Variants in ELK4 observed in about 807,000 individuals in gnomAD.
The protein encoded by ELK4 is ETS transcription factor ELK4.
In ELK4, 16 loss-of-function variants were observed where a neutral mutation model predicts 29.6. That is an observed-to-expected ratio of 0.54 (90% CI 0.37 to 0.82). The LOEUF is 0.82. Ranked by LOEUF, ELK4 falls within the 40% of genes least tolerant of loss-of-function variation. The probability of loss-of-function intolerance (pLI) is 0.00; values close to 1 mark genes in which losing one functional copy is unlikely to be tolerated. For missense variants in ELK4, 465 were observed against 507.1 expected (o/e 0.92, Z 0.80); for synonymous variants, 213 against 191.1 (o/e 1.11, Z -0.95).
chr1:205,612,920 T>C lies in ELK4; in HGVS notation c.*3626A>G, dbSNP rs1365791858. 1 of 205,466 alleles carries C rather than the reference T, an allele frequency of 4.9e-6. No individual in the cohort carries two copies. The highest frequency in any genetic ancestry group is 2.3e-5 in the African/African-American group (1 of 43,708). 12.7% of individuals were successfully genotyped at this position (205,466 alleles called of 1,614,324 possible). ...CTAATAGAGGCTCATAGGTTTACTG[T>C]CCCTATCAAAATTTCAACTGTCAAA... On this transcript the variant is annotated 3_prime_UTR_variant, in exon 5 of 5. Transcript: ENST00000357992.
At position 205,613,795 on chromosome 1, in the gene ELK4, C is replaced by T. The variant is rs1043728356; in HGVS notation, c.*2751G>A. ...CTCAAAACCCCATTCAATCTGCTCC[C>T]CTTCCGTAACTTAGGCTACTGCTGC... is the stretch of plus-strand genomic sequence containing the variant. On this transcript the variant is annotated 3_prime_UTR_variant, in exon 5 of 5. Transcript: ENST00000357992. 4.4e-5 allele frequency: 9 copies of T among 204,996 alleles called. No individual in the cohort carries two copies. The highest frequency in any genetic ancestry group is 8.0e-5 in the Non-Finnish European group (8 of 100,272). The allele number at this position is 204,996 out of a possible 1,614,324, so 12.7% of individuals were successfully genotyped here. A position where few individuals can be genotyped will look rare whatever the true frequency, so the allele number is the denominator to read the frequency against.
chr1:205,629,957 G>T (rs2102387895), intron 1 of ELK4, among the ~76,000 whole-genome samples: 1 of 151,306 alleles, frequency 6.6e-6, no homozygotes. Flanking sequence ...TGGGAGAATG[G>T]CCGGGAGATG....
intron 1 of ELK4, chr1:205,625,455 A>G (rs941526852): frequency 1.6e-6 from 1 of 618,622 alleles, no homozygotes; most frequent in South Asian, 1.6e-5. Context: ...CCTTCAGCCC[A>G]GCCTAGTTCA....
intron 1 of ELK4, 72 bp from the exon 2 acceptor site, chr1:205,623,963 T>G (rs181865427): frequency 9.7e-6 from 13 of 1,343,332 alleles, no homozygotes; most frequent in Non-Finnish European, 1.3e-5. Flanking sequence ...TGTCATGCAC[T>G]GTTTTAAGTG....
chr1:205,613,910 G>A lies in ELK4; in HGVS notation c.*2636C>T, dbSNP rs375256047. 1.9e-4 allele frequency: 42 copies of A among 219,532 alleles called. No individual in the cohort carries two copies. Among genetic ancestry groups the A allele is most frequent in the African/African-American group, 9.2e-4 (41 of 44,652 alleles). The allele number at this position is 219,532 out of a possible 1,614,324, so 13.6% of individuals were successfully genotyped here. A position where few individuals can be genotyped will look rare whatever the true frequency, so the allele number is the denominator to read the frequency against. On this transcript the variant is annotated 3_prime_UTR_variant, in exon 5 of 5. Coordinates refer to ENST00000357992, the MANE Select transcript of ELK4 (RefSeq NM_001973.4). ...TCTCTCCAGTGAAAACTGATCTGAA[G>A]TGGTACATCACCTTTCACACTAAGA...
chr1:205,623,732 T>C lies in ELK4; in HGVS notation c.151A>G (p.Lys51Glu). 6.2e-7 allele frequency: 1 copy of C among 1,614,176 alleles called. No individual in the cohort carries two copies. The highest frequency in any genetic ancestry group is 8.5e-7 in the Non-Finnish European group (1 of 1,180,040). ...VARLWGIRKN[K>E]PNMNYDKLSR... Reference sequence around the variant, plus strand: ...AGTTTGTCATAATTCATGTTAGGCTTGTTCTTGCGAATCCCCCAGAGACGA... The same window carrying C: ...AGTTTGTCATAATTCATGTTAGGCTCGTTCTTGCGAATCCCCCAGAGACGA... The change falls in exon 2 of 5, where the codon AAG (lysine) becomes GAG (glutamate). Residue 51 changes from lysine to glutamate, a missense_variant. Around this residue, in one of 2 missense-constraint regions of ELK4, gnomAD observed 385 missense variants for 387.5 expected, o/e 0.99. Transcript: ENST00000357992.
At chr1:205,630,189 A>ATTAT (rs1278549870) in intron 1 of ELK4, among the ~76,000 whole-genome samples, 1 of 152,210 alleles carries the variant, frequency 6.6e-6, no homozygotes, top group Non-Finnish European at 1.5e-5. Context: ...AAGTTATAAC[A>ATTAT]AAGGAAGAAA....
chr1:205,617,625 C>T (rs559285624), intron 4 of ELK4, among the ~76,000 whole-genome samples: 8 of 151,754 alleles, frequency 5.3e-5, no homozygotes, highest in African/African-American at 1.5e-4. Flanking sequence ...GCTTGGGCCG[C>T]GTGCAGTGGC....
At chr1:205,626,795 C>G (rs560984995) in intron 1 of ELK4, among the ~76,000 whole-genome samples, 1 of 152,270 alleles carries the variant, frequency 6.6e-6, no homozygotes, top group African/African-American at 2.4e-5. Context: ...AATTCTACTC[C>G]TAGGTATATA....
chr1:205,629,607 C>T (rs142923181), intron 1 of ELK4, among the ~76,000 whole-genome samples: 2,621 of 152,190 alleles, frequency 0.017, 51 homozygotes, highest in South Asian at 0.035. Flanking sequence ...ATTCCAGCTA[C>T]TAGGGAGGCT....
At position 205,614,594 on chromosome 1, in the gene ELK4, C is replaced by T. The variant is rs925357224; in HGVS notation, c.*1952G>A. On this transcript the variant is annotated 3_prime_UTR_variant, in exon 5 of 5. Coordinates refer to ENST00000357992, the MANE Select transcript of ELK4 (RefSeq NM_001973.4). ...CCACAAATGAACCAGTAACAAGTCT[C>T]CGACACTACAGATATAAAGGCAGCT... 1.3e-5 allele frequency: 3 copies of T among 228,554 alleles called. No individual in the cohort carries two copies. The highest frequency in any genetic ancestry group is 2.6e-5 in the Non-Finnish European group (3 of 115,162). The allele number at this position is 228,554 out of a possible 1,614,324, so 14.2% of individuals were successfully genotyped here. A position where few individuals can be genotyped will look rare whatever the true frequency, so the allele number is the denominator to read the frequency against.
Position 205,616,470 on chromosome 1 carries a change from T to G in ELK4, c.*76A>C. On this transcript the variant is annotated 3_prime_UTR_variant, in exon 5 of 5. Coordinates refer to ENST00000357992, the MANE Select transcript of ELK4 (RefSeq NM_001973.4). ...ATTATCAGCATTGTAGAACTATCAA[T>G]TGCTCACTTCAAATGCAATCATGTT... 1 of 1,308,726 alleles carries G rather than the reference T, an allele frequency of 7.6e-7. No individual in the cohort carries two copies. The highest frequency in any genetic ancestry group is 2.4e-5 in the East Asian group (1 of 42,072). 81.1% of individuals were successfully genotyped at this position (1,308,726 alleles called of 1,614,324 possible). A position where few individuals can be genotyped will look rare whatever the true frequency, so the allele number is the denominator to read the frequency against.
At chr1:205,629,099 A>C (rs562307024) in intron 1 of ELK4, among the ~76,000 whole-genome samples, 69 of 143,482 alleles carry the variant, frequency 4.8e-4, no homozygotes, top group Non-Finnish European at 5.8e-4. Flanking sequence ...TGAACCCGAG[A>C]GGCGGAGCTT....
intron 1 of ELK4, 144 bp from the exon 2 acceptor site, chr1:205,624,035 T>C (rs1278610612): frequency 1.4e-6 from 1 of 740,490 alleles, no homozygotes; most frequent in Non-Finnish European, 2.2e-6. Flanking sequence ...ATCCTCATTT[T>C]ACGTAAGAAA....
Position 205,620,321 on chromosome 1 carries a change from G to A in ELK4, c.725C>T (p.Ala242Val), listed in dbSNP as rs750500557. The A allele has an allele frequency of 6.2e-7, 1 of 1,614,208 alleles. No homozygotes were observed. Among genetic ancestry groups the A allele is most frequent in the Middle Eastern group, 1.6e-4 (1 of 6,062 alleles). The part of the protein sequence containing the change: ...KLPSLEAPTS[A>V]SNVMTAFATT... ...GGCAAAAGCAGTCATTACGTTAGAG[G>A]CAGAGGTTGGGGCTTCCAGGGAAGG... Residue 242 changes from alanine (A) to valine (V), a missense_variant, in exon 3 of 5, where the codon GCC becomes GTC. Ala to Val is a moderately conservative substitution (Grantham distance 64). This residue lies in a region of ELK4 where 385 missense variants were observed against 387.5 expected (regional missense o/e 0.99). Transcript: ENST00000357992.
chr1:205,624,734 T>C (rs1215565693), intron 1 of ELK4, among the ~76,000 whole-genome samples: 1 of 152,100 alleles, frequency 6.6e-6, no homozygotes, highest in African/African-American at 2.4e-5. Flanking sequence ...ACACTGCAGT[T>C]TGTCTAACAG....
At chr1:205,625,169 TA>T (rs1305109994) in intron 1 of ELK4, among the ~76,000 whole-genome samples, 2 of 152,012 alleles carry the variant, frequency 1.3e-5, no homozygotes, top group Non-Finnish European at 2.9e-5. Context: ...CAACAAAATT[TA>T]AAATTGTTGT....
chr1:205,623,320 T>TC (rs1254101427), intron 2 of ELK4, among the ~76,000 whole-genome samples: 1 of 150,938 alleles, frequency 6.6e-6, no homozygotes, highest in African/African-American at 2.4e-5. Context: ...ATCTTTTTTT[T>TC]TTTTTTTTTG....
intron 2 of ELK4, 119 bp downstream of exon 2, chr1:205,623,557 C>A: frequency 9.1e-7 from 1 of 1,097,284 alleles, no homozygotes; most frequent in Non-Finnish European, 1.4e-6. Context: ...TCAGGTGATC[C>A]ACCCTCCTTG....
Sources: gnomAD v4.1 joint callset for allele counts (sites outside exome capture counted in the v4.1 genomes callset) on GRCh38, gnomAD v4.1.1 for gene constraint, gnomAD v4.1.1 regional missense constraint, MANE v1.5 for transcripts, NCBI Gene and HGNC (gene_info 2026-07-23, HGNC 2026-07-21) for gene names.